PICALM: variants seen among roughly 807,000 people sequenced by gnomAD.
PICALM encodes the protein phosphatidylinositol-binding clathrin assembly protein.
Under a neutral mutation model 80.5 loss-of-function variants are expected in PICALM, and 40 were observed. The observed-to-expected ratio is 0.50, with a 90% CI of 0.39 to 0.65. PICALM has a LOEUF of 0.65. PICALM is among the 30% of genes least tolerant of loss of function. The pLI, the probability that PICALM is intolerant of heterozygous loss-of-function variation, is 0.00. For synonymous variants in PICALM, 288 were observed against 260.3 expected (o/e 1.11, Z -1.02); for missense variants, 676 against 778.9 (o/e 0.87, Z 1.57).
chr11:85,995,841 A>C (rs2094942503), intron 12 of PICALM, among the ~76,000 whole-genome samples: 2 of 152,176 alleles, frequency 1.3e-5, no homozygotes, highest in Non-Finnish European at 2.9e-5. Context: ...AAATAATTCT[A>C]AAATACTTAA....
chr11:85,999,398 C>A (rs1244989149), intron 11 of PICALM, among the ~76,000 whole-genome samples: 2 of 152,128 alleles, frequency 1.3e-5, no homozygotes, highest in East Asian at 1.9e-4. Flanking sequence ...GAAATTAGTT[C>A]TTTATCCAAT....
intron 1 of PICALM, among the ~76,000 whole-genome samples, chr11:86,059,849 C>T (rs1280060992): frequency 6.9e-6 from 1 of 145,490 alleles, no homozygotes; most frequent in Non-Finnish European, 1.5e-5. Flanking sequence ...CTAACTTTCA[C>T]AAAAAAGGAT....
rs532470 is a variant in PICALM at position 85,975,053 on chromosome 11, T to G, written c.1840-241A>C. Among the ~76,000 whole-genome samples the G allele has an allele frequency of 0.44, 67,518 of 151,982 alleles. 15,205 individuals carry two copies. The highest frequency in any genetic ancestry group is 0.59 in the East Asian group (3,067 of 5,160). ...TGTAGTAACAAAGCCTAACTTTTTC[T>G]ATTCAATGAGTTGCAAAATGTAAAC... is the stretch of plus-strand genomic sequence containing the variant. On this transcript the variant is annotated intron_variant, in intron 18 of 19. Transcript: ENST00000393346.
chr11:86,026,226 A>G (rs1329967813), intron 3 of PICALM, 66 bp downstream of exon 3: 3 of 853,876 alleles, frequency 3.5e-6, no homozygotes, highest in East Asian at 2.5e-5. Flanking sequence ...ACAGAGTTCT[A>G]CTCTGGAGTA....
intron 19 of PICALM, among the ~76,000 whole-genome samples, chr11:85,959,509 T>C (rs962368319): frequency 6.6e-6 from 1 of 151,518 alleles, no homozygotes; most frequent in African/African-American, 2.4e-5. Flanking sequence ...GGCGGGCGCC[T>C]GTAATCCTAG....
chr11:86,027,034 G>A (rs1245437687), intron 2 of PICALM, among the ~76,000 whole-genome samples: 2 of 152,084 alleles, frequency 1.3e-5, no homozygotes, highest in East Asian at 3.9e-4. Flanking sequence ...CTTACTCTTT[G>A]CAATGTGTTT....
At chr11:86,032,180 C>T (rs1395866870) in intron 1 of PICALM, among the ~76,000 whole-genome samples, 1 of 152,144 alleles carries the variant, frequency 6.6e-6, no homozygotes, top group Non-Finnish European at 1.5e-5. Context: ...TATACTCCTT[C>T]TCTCCCCTCT....
At chr11:86,035,188 A>C (rs1403940233) in intron 1 of PICALM, among the ~76,000 whole-genome samples, 2 of 152,032 alleles carry the variant, frequency 1.3e-5, no homozygotes, top group Admixed American at 1.3e-4. Context: ...GGTTTCATTA[A>C]TCTTACAGTC....
In PICALM at chr11:86,001,346, A is replaced by G. The variant is rs377307040; in HGVS notation, c.894-188T>C. On this transcript the variant is annotated intron_variant, in intron 9 of 19. Transcript: ENST00000393346. ...ATCTACAGGATTAAAGCAATTAGAA[A>G]AATCTTGACTTAATATACACTCACT... Among the ~76,000 whole-genome samples, 195 of 152,346 alleles carry G rather than the reference A, an allele frequency of 1.3e-3. 2 individuals carry two copies. The South Asian group carries it at 0.021, about 17-fold the overall frequency.
intron 1 of PICALM, among the ~76,000 whole-genome samples, chr11:86,057,285 T>G (rs184023137): frequency 1.8e-3 from 278 of 152,274 alleles, no homozygotes; most frequent in African/African-American, 6.3e-3. Context: ...ACGCCTGCAA[T>G]CCCAGCACTT....
chr11:86,052,950 C>T (rs1474333292), intron 1 of PICALM, among the ~76,000 whole-genome samples: 1 of 152,226 alleles, frequency 6.6e-6, no homozygotes, highest in East Asian at 1.9e-4. Context: ...CTTTCCTCCA[C>T]CTGAAATGCC....
At chr11:86,032,447 AC>A (rs988912473) in intron 1 of PICALM, among the ~76,000 whole-genome samples, 9 of 151,930 alleles carry the variant, frequency 5.9e-5, no homozygotes, top group African/African-American at 2.2e-4. Context: ...ATATGCTGAA[AC>A]CCCATCTTTA....
intron 1 of PICALM, among the ~76,000 whole-genome samples, chr11:86,061,330 CAAAAAAAAA>C (rs58836221): frequency 0.53 from 43,306 of 81,612 alleles, 6,765 homozygotes; most frequent in East Asian, 0.6. Flanking sequence ...GACTCCATCT[CAAAAAAAAA>C]AAAAAAAAAA....
At position 85,970,847 on chromosome 11, in the gene PICALM, G is replaced by A. The variant is rs192379003; in HGVS notation, c.1944+3861C>T. ...ACCTCCCTAAATGTTTGAGTATGGA[G>A]ATGGGTATTACAAATACTGCCTACA... On this transcript the variant is annotated intron_variant, in intron 19 of 19. Coordinates refer to ENST00000393346, the MANE Select transcript of PICALM (RefSeq NM_007166.4). Among the ~76,000 whole-genome samples the A allele has an allele frequency of 6.6e-5, 10 of 152,308 alleles. No individual in the cohort carries two copies. In the East Asian group the frequency reaches 1.4e-3, roughly 21 times the overall value.
intron 11 of PICALM, among the ~76,000 whole-genome samples, chr11:85,998,872 C>T (rs576653349): frequency 2.4e-4 from 36 of 152,272 alleles, no homozygotes; most frequent in African/African-American, 8.4e-4. Flanking sequence ...CTTCCTCCTG[C>T]CTCAACCTCC....
In PICALM at chr11:86,000,653, A is replaced by T; in HGVS notation, c.1144T>A (p.Ser382Thr). 1 of 1,611,910 alleles carries T rather than the reference A, an allele frequency of 6.2e-7. No individual in the cohort carries two copies. The highest frequency in any genetic ancestry group is 8.5e-7 in the Non-Finnish European group (1 of 1,179,674). The change falls in exon 11 of 20, where the codon TCT (serine) becomes ACT (threonine). Residue 382 changes from serine to threonine, a missense_variant. By Grantham distance (58) the Ser-to-Thr change is moderately conservative. Transcript: ENST00000393346. The part of the protein sequence containing the change: ...PAIDIFSTPS[S>T]SNSTSKLPND... Reference sequence around the variant, plus strand: ...AACTTCTACTCCTACCTGTTAGAAGAACTAGGGGTAGAAAATATGTCAATG... The same window carrying T: ...AACTTCTACTCCTACCTGTTAGAAGTACTAGGGGTAGAAAATATGTCAATG...
chr11:86,040,017 A>AG (rs1188547023), intron 1 of PICALM, among the ~76,000 whole-genome samples: 1 of 150,128 alleles, frequency 6.7e-6, no homozygotes, highest in African/African-American at 2.5e-5. Flanking sequence ...AAAAAAAAAA[A>AG]AAAAAAAAAA....
At chr11:85,961,675 C>G (rs1160446413) in intron 19 of PICALM, among the ~76,000 whole-genome samples, 1 of 152,140 alleles carries the variant, frequency 6.6e-6, no homozygotes, top group African/African-American at 2.4e-5. Flanking sequence ...CTTTTTCTCC[C>G]TCTGTATAAG....
At chr11:86,029,040 T>C (rs1593101834) in intron 2 of PICALM, among the ~76,000 whole-genome samples, 4 of 152,250 alleles carry the variant, frequency 2.6e-5, no homozygotes, top group Middle Eastern at 3.4e-3. Context: ...GGTTTCACCA[T>C]GTTGGTCACA....
Sources: allele counts gnomAD v4.1 joint callset (sites outside exome capture counted in the v4.1 genomes callset), GRCh38; gene constraint gnomAD v4.1.1; transcripts MANE v1.5; gene names NCBI Gene and HGNC (gene_info 2026-07-23, HGNC 2026-07-21).